The following RNF180 variants were observed in gnomAD, a reference collection of about 807,000 sequenced individuals.
The protein encoded by RNF180 is ring finger protein 180.
In RNF180, 38 loss-of-function variants were observed where a neutral mutation model predicts 59.2. The ratio of observed to expected loss-of-function variants is 0.64; its 90% confidence interval spans 0.50 to 0.84. The LOEUF is 0.84. RNF180 is among the 40% of genes least tolerant of loss of function. RNF180 has a pLI of 0.00. For synonymous variants in RNF180, 262 were observed against 240.3 expected (o/e 1.09, Z -0.84); for missense variants, 705 against 700.9 (o/e 1.01, Z -0.07).
intron 6 of RNF180, among the ~76,000 whole-genome samples, chr5:64,329,096 T>C (rs1348698132): frequency 6.6e-6 from 1 of 152,228 alleles, no homozygotes; most frequent in Non-Finnish European, 1.5e-5. Flanking sequence ...TCTGAATGGT[T>C]ATTTTCATAT....
chr5:64,247,879 C>G (rs1216634718), intron 5 of RNF180, among the ~76,000 whole-genome samples: 1 of 152,096 alleles, frequency 6.6e-6, no homozygotes, highest in African/African-American at 2.4e-5. Flanking sequence ...CTACAGTAAC[C>G]AAAACAGCAT....
In RNF180 at chr5:64,306,852, A is replaced by G. The variant is rs1743494376; in HGVS notation, c.1228-18334A>G. ...GGTGGGGGGAGGAGGGAGGGATAGC[A>G]TTAGGAGATATACCTAATGCTAAAT... On this transcript the variant is annotated intron_variant, in intron 5 of 7. Transcript: ENST00000389100. Among the ~76,000 whole-genome samples the G allele has an allele frequency of 2.0e-5, 3 of 151,716 alleles. No homozygotes were observed. In the South Asian group the frequency reaches 6.2e-4, roughly 31 times the overall value.
chr5:64,176,089 G>T (rs1484214699), intron 1 of RNF180, among the ~76,000 whole-genome samples: 1 of 152,080 alleles, frequency 6.6e-6, no homozygotes, highest in Non-Finnish European at 1.5e-5. Context: ...CAGCAGTGAA[G>T]CCCACAAATC....
At chr5:64,297,408 A>T (rs187701578) in intron 5 of RNF180, among the ~76,000 whole-genome samples, 111 of 152,150 alleles carry the variant, frequency 7.3e-4, no homozygotes, top group Non-Finnish European at 1.3e-3. Flanking sequence ...TCTAATTTTT[A>T]TAAATCCCTC....
chr5:64,349,869 G>A (rs1024097753), intron 7 of RNF180, among the ~76,000 whole-genome samples: 25 of 152,058 alleles, frequency 1.6e-4, no homozygotes, highest in Non-Finnish European at 3.1e-4. Flanking sequence ...CCAAGTCTTT[G>A]CTATTGTGAA....
intron 1 of RNF180, among the ~76,000 whole-genome samples, chr5:64,170,944 C>T (rs1400712684): frequency 2.0e-5 from 3 of 152,302 alleles, no homozygotes; most frequent in African/African-American, 4.8e-5. Flanking sequence ...GAAAGTCTTC[C>T]TTTACCTGTT....
intron 2 of RNF180, 80 bp downstream of exon 2, chr5:64,201,022 T>C (rs1157392293): frequency 1.9e-6 from 2 of 1,031,594 alleles, no homozygotes; most frequent in Non-Finnish European, 2.8e-6. Context: ...ACACTTATTC[T>C]TCTCTACCTT....
chr5:64,192,939 A>ATATATATATATATATATAT (rs1554028955), intron 1 of RNF180, among the ~76,000 whole-genome samples: 86 of 135,384 alleles, frequency 6.4e-4, no homozygotes, highest in African/African-American at 1.8e-3. Context: ...ATATATATAT[A>ATATATATATATATATATAT]AAATGAAACA....
chr5:64,166,617 T>C (rs563170683), intron 1 of RNF180, among the ~76,000 whole-genome samples: 1 of 152,346 alleles, frequency 6.6e-6, no homozygotes, highest in African/African-American at 2.4e-5. Flanking sequence ...TTGTTTTTTT[T>C]CGAGATAGTG....
chr5:64,318,843 A>G (rs1359880765), intron 5 of RNF180, among the ~76,000 whole-genome samples: 2 of 152,186 alleles, frequency 1.3e-5, no homozygotes, highest in Non-Finnish European at 2.9e-5. Context: ...TTAAATGCCC[A>G]AGAAAAAACA....
chr5:64,227,324 C>A (rs1741829191), intron 5 of RNF180, among the ~76,000 whole-genome samples: 1 of 152,188 alleles, frequency 6.6e-6, no homozygotes, highest in Non-Finnish European at 1.5e-5. Flanking sequence ...AGCACCCCAC[C>A]ATGGGTGCAG....
chr5:64,192,900 C>CATGTATATATATATATATATATATAT (rs1751237834), intron 1 of RNF180, among the ~76,000 whole-genome samples: 1 of 32,842 alleles, frequency 3.0e-5, no homozygotes, highest in Non-Finnish European at 5.9e-5. Context: ...GAAAGTGTGG[C>CATGTATATATATATATATATATATAT]ATGTATATAT....
At position 64,170,574 on chromosome 5, in the gene RNF180, C is replaced by T. The variant is rs373623828; in HGVS notation, c.-1+4621C>T. Among the ~76,000 whole-genome samples the T allele has an allele frequency of 3.3e-5, 5 of 152,066 alleles. No homozygotes were observed. In the East Asian group the frequency reaches 5.8e-4, roughly 18 times the overall value. On this transcript the variant is annotated intron_variant, in intron 1 of 7. Coordinates refer to ENST00000389100, the MANE Select transcript of RNF180 (RefSeq NM_001113561.2). Reference sequence around the variant, plus strand: ...GTTATGACAGTATTATCCTGCCTAGCGGAAAAGGCATAAGAAAGGAAAAAT... The same window carrying T: ...GTTATGACAGTATTATCCTGCCTAGTGGAAAAGGCATAAGAAAGGAAAAAT...
Position 64,369,901 on chromosome 5 carries a change from T to C in RNF180, c.*87T>C. 1 of 718,216 alleles carries C rather than the reference T, an allele frequency of 1.4e-6. No homozygotes were observed. Among genetic ancestry groups the C allele is most frequent in the South Asian group, 2.6e-5 (1 of 38,854 alleles). The allele number at this position is 718,216 out of a possible 1,614,324, so 44.5% of individuals were successfully genotyped here. On this transcript the variant is annotated 3_prime_UTR_variant, in exon 8 of 8. Transcript: ENST00000389100. ...ATTTTTAAATGTGCTTTGAAGTTTT[T>C]TTAATGTTGCATTATACAAATTGTT...
chr5:64,343,043 A>G (rs1745419435), intron 7 of RNF180, among the ~76,000 whole-genome samples: 1 of 152,126 alleles, frequency 6.6e-6, no homozygotes, highest in Non-Finnish European at 1.5e-5. Context: ...TCCTCTCTGG[A>G]GGGAAATATC....
chr5:64,199,711 A>G (rs530807342), intron 1 of RNF180, among the ~76,000 whole-genome samples: 1 of 152,352 alleles, frequency 6.6e-6, no homozygotes, highest in African/African-American at 2.4e-5. Flanking sequence ...AGGCAGGCCC[A>G]TGTGGGTAGC....
At chr5:64,246,050 T>G (rs542960754) in intron 5 of RNF180, among the ~76,000 whole-genome samples, 1 of 152,252 alleles carries the variant, frequency 6.6e-6, no homozygotes, top group East Asian at 1.9e-4. Context: ...ATAAGAAAGT[T>G]TTTTGAAACC....
At chr5:64,293,817 C>T (rs557825104) in intron 5 of RNF180, among the ~76,000 whole-genome samples, 8 of 152,190 alleles carry the variant, frequency 5.3e-5, no homozygotes, top group Middle Eastern at 3.4e-3. Context: ...AACTTGTGAA[C>T]TTCAGTTAAA....
chr5:64,354,887 C>G (rs926368428), intron 7 of RNF180, among the ~76,000 whole-genome samples: 1 of 151,828 alleles, frequency 6.6e-6, no homozygotes, highest in Non-Finnish European at 1.5e-5. Context: ...TCATGATAAA[C>G]ACACTCAGAA....
Sources: gnomAD v4.1 joint callset for allele counts (sites outside exome capture counted in the v4.1 genomes callset) on GRCh38, gnomAD v4.1.1 for gene constraint, MANE v1.5 for transcripts, NCBI Gene and HGNC (gene_info 2026-07-23, HGNC 2026-07-21) for gene names.